The following ANKRD40CL variants were observed in gnomAD, a reference collection of about 807,000 sequenced individuals.
ANKRD40CL encodes putative ANKRD40 C-terminal-like protein.
For missense variants in ANKRD40CL, 11 were observed against 6.4 expected (o/e 1.71, Z -0.77); for synonymous variants, 5 against 2.3 (o/e 2.14, Z -1.04).
At chr17:50,761,654 G>T in intron 3 of ANKRD40CL, 148 bp from the exon 4 acceptor site, 1 of 368,902 alleles carries the variant, frequency 2.7e-6, no homozygotes. Flanking sequence ...GCCCAGGCTG[G>T]AGGGCAATGA....
At chr17:50,763,235 C>T in intron 3 of ANKRD40CL, 162 bp downstream of exon 3, 1 of 396,642 alleles carries the variant, frequency 2.5e-6, no homozygotes, top group Non-Finnish European at 4.4e-6. Context: ...ATTAGATGTG[C>T]AAATCTTAAA....
intron 1 of ANKRD40CL, chr17:50,767,217 C>T (rs769774954): frequency 8.5e-6 from 5 of 589,942 alleles, no homozygotes; most frequent in African/African-American, 1.9e-5. Flanking sequence ...AGTACTCACC[C>T]GAGGGAATGG....
At chr17:50,761,630 G>A (rs1291719286) in intron 3 of ANKRD40CL, 124 bp from the exon 4 acceptor site, 3 of 372,644 alleles carry the variant, frequency 8.1e-6, no homozygotes, top group African/African-American at 6.3e-5. Flanking sequence ...TTGAGACAGA[G>A]TCTTGCTTTT....
At chr17:50,765,132 A>G (rs1286950003) in intron 2 of ANKRD40CL, 1 of 152,236 alleles carries the variant, frequency 6.6e-6, no homozygotes, top group East Asian at 1.9e-4. Context: ...GAGATAAGAT[A>G]CACGATAAGG....
At chr17:50,766,057 C>A (rs927029181) in intron 2 of ANKRD40CL, among the ~76,000 whole-genome samples, 1 of 152,196 alleles carries the variant, frequency 6.6e-6, no homozygotes, top group African/African-American at 2.4e-5. Flanking sequence ...ATGAAGTCAG[C>A]CCTGTTTGTG....
Position 50,767,279 on chromosome 17 carries a change from G to A in ANKRD40CL, c.-99+184C>T, listed in dbSNP as rs199596477. The A allele has an allele frequency of 1.4e-3, 632 of 460,286 alleles. 3 individuals are homozygous for A. Among genetic ancestry groups the A allele is most frequent in the Middle Eastern group, 2.2e-3 (7 of 3,122 alleles). The allele number at this position is 460,286 out of a possible 1,614,324, so 28.5% of individuals were successfully genotyped here. On this transcript the variant is annotated intron_variant, in intron 1 of 3. Transcript: ENST00000450727. ...GCACAGCAGGCACCCAGCCAGACCC[G>A]AGAAGGGGGCCAGGCCCTCTTTCTT...
intron 2 of ANKRD40CL, 198 bp from the exon 3 acceptor site, chr17:50,763,755 G>C (rs571103824): frequency 5.1e-6 from 2 of 390,068 alleles, no homozygotes; most frequent in Non-Finnish European, 9.0e-6. Context: ...TGTTGGGCAA[G>C]CTCTGGGATG....
chr17:50,765,528 G>T (rs1971287984), intron 2 of ANKRD40CL, among the ~76,000 whole-genome samples: 1 of 152,214 alleles, frequency 6.6e-6, no homozygotes, highest in Non-Finnish European at 1.5e-5. Context: ...GAAGTAGTTT[G>T]TTCAGGTTGG....
intron 3 of ANKRD40CL, among the ~76,000 whole-genome samples, chr17:50,762,575 AAAAC>A (rs1471226058): frequency 2.6e-5 from 4 of 152,172 alleles, no homozygotes; most frequent in African/African-American, 9.7e-5. Context: ...CTGTCTCAAA[AAAAC>A]AAAAAACAAA....
chr17:50,763,238 A>C (rs73335578), intron 3 of ANKRD40CL, 159 bp downstream of exon 3: 5,086 of 396,948 alleles, frequency 0.013, 227 homozygotes, highest in African/African-American at 0.092. Flanking sequence ...AGATGTGCAA[A>C]TCTTAAAAGC....
chr17:50,764,187 CTTG>C, intron 2 of ANKRD40CL: 1 of 398,668 alleles, frequency 2.5e-6, no homozygotes. Context: ...CACTGGGTTT[CTTG>C]TTATCACTTG....
At chr17:50,764,206 G>A (rs1011213480) in intron 2 of ANKRD40CL, 2 of 398,684 alleles carry the variant, frequency 5.0e-6, no homozygotes, top group Non-Finnish European at 4.4e-6. Context: ...ACTTGGGTCC[G>A]TTGTTGGCAA....
intron 2 of ANKRD40CL, among the ~76,000 whole-genome samples, chr17:50,765,722 T>G (rs909602961): frequency 6.6e-6 from 1 of 151,928 alleles, no homozygotes; most frequent in Non-Finnish European, 1.5e-5. Flanking sequence ...TGGATGGGGG[T>G]GGGTGAGAGT....
intron 3 of ANKRD40CL, among the ~76,000 whole-genome samples, chr17:50,762,173 G>A (rs940530752): frequency 3.3e-5 from 5 of 152,052 alleles, no homozygotes; most frequent in African/African-American, 4.8e-5. Context: ...CGCCCACCTC[G>A]GCCTCCCAAA....
intron 2 of ANKRD40CL, 191 bp downstream of exon 2, chr17:50,766,683 A>T: frequency 2.1e-6 from 1 of 484,712 alleles, no homozygotes; most frequent in Non-Finnish European, 3.6e-6. Context: ...ATTATTTATT[A>T]TAGCTATAGA....
At chr17:50,766,704 C>A in intron 2 of ANKRD40CL, 170 bp downstream of exon 2, 1 of 540,302 alleles carries the variant, frequency 1.9e-6, no homozygotes, top group Non-Finnish European at 3.3e-6. Flanking sequence ...CACTTGCTTC[C>A]TTCTGAAAGG....
intron 3 of ANKRD40CL, chr17:50,763,127 C>G (rs149024498): frequency 3.4e-6 from 1 of 296,192 alleles, no homozygotes; most frequent in African/African-American, 2.2e-5. Flanking sequence ...GATCTCTTGA[C>G]CTTGTGATCT....
At position 50,761,479 on chromosome 17, in the gene ANKRD40CL, A is replaced by C. The variant is rs1051416142; in HGVS notation, c.229T>G (p.Phe77Val). 2.3e-5 allele frequency: 9 copies of C among 399,018 alleles called. No individual in the cohort carries two copies. Among genetic ancestry groups the C allele is most frequent in the African/African-American group, 1.6e-4 (8 of 48,750 alleles). 24.7% of individuals were successfully genotyped at this position (399,018 alleles called of 1,614,324 possible). A position where few individuals can be genotyped will look rare whatever the true frequency, so the allele number is the denominator to read the frequency against. Residue 77 changes from phenylalanine to valine, a missense_variant, in exon 4 of 4, where the codon TTT (phenylalanine) becomes GTT (valine). By Grantham distance (50) the Phe-to-Val change is conservative. Transcript: ENST00000450727. ...KDKDIRRLRD[F>V]QEVELILMKN... ...ATTAAAATGAGTTCCACTTCCTGAAAGTCCCGCAGTCTTCGAATGTCTTTG... is the reference window on the plus strand; with the variant it reads ...ATTAAAATGAGTTCCACTTCCTGAACGTCCCGCAGTCTTCGAATGTCTTTG...
At position 50,761,166 on chromosome 17, in the gene ANKRD40CL, T is replaced by C. The variant is rs890762036; in HGVS notation, c.*197A>G. 1 of 295,318 alleles carries C rather than the reference T, an allele frequency of 3.4e-6. No individual in the cohort carries two copies. The highest frequency in any genetic ancestry group is 6.2e-6 in the Non-Finnish European group (1 of 162,084). 18.3% of individuals were successfully genotyped at this position (295,318 alleles called of 1,614,324 possible). On this transcript the variant is annotated 3_prime_UTR_variant, in exon 4 of 4. Transcript: ENST00000450727. The stretch of plus-strand genomic sequence containing the variant: ...GTGATTCTCCTGCCTCAGCTTCCCA[T>C]GTAGCTGGGACTACTACAGGTGTGC...
Sources: allele counts gnomAD v4.1 joint callset (sites outside exome capture counted in the v4.1 genomes callset), GRCh38; gene constraint gnomAD v4.1.1; transcripts MANE v1.5; gene names NCBI Gene and HGNC (gene_info 2026-07-23, HGNC 2026-07-21).